MACROD2: variants seen among roughly 807,000 people sequenced by gnomAD.
MACROD2 encodes ADP-ribose glycohydrolase MACROD2.
A neutral mutation model predicts 70.4 loss-of-function variants in MACROD2; 36 were observed. That is an observed-to-expected ratio of 0.51 (90% CI 0.39 to 0.68). The LOEUF is 0.68. Among genes scored for constraint, MACROD2 ranks in the 30% least tolerant of loss-of-function variants. MACROD2 has a pLI of 0.00. For synonymous variants in MACROD2, 172 were observed against 178.8 expected (o/e 0.96, Z 0.30); for missense variants, 496 against 538.4 (o/e 0.92, Z 0.78).
intron 8 of MACROD2, among the ~76,000 whole-genome samples, chr20:15,678,788 G>A (rs942476651): frequency 1.6e-5 from 2 of 121,850 alleles, no homozygotes; most frequent in Non-Finnish European, 3.5e-5. Flanking sequence ...TGGGCACAGT[G>A]GTGTGTTGGG....
At chr20:16,035,004 G>A (rs2067203380) in intron 15 of MACROD2, among the ~76,000 whole-genome samples, 2 of 145,938 alleles carry the variant, frequency 1.4e-5, no homozygotes, top group African/African-American at 5.0e-5. Context: ...TCCTTTTAAT[G>A]GCTGAGTAGT....
At chr20:15,401,501 C>T (rs938625038) in intron 6 of MACROD2, among the ~76,000 whole-genome samples, 2 of 152,114 alleles carry the variant, frequency 1.3e-5, no homozygotes, top group Admixed American at 6.5e-5. Flanking sequence ...GTGGTTAAAA[C>T]CTGGAGCCAA....
At chr20:15,182,847 A>G (rs796796105) in intron 5 of MACROD2, among the ~76,000 whole-genome samples, 7 of 152,320 alleles carry the variant, frequency 4.6e-5, no homozygotes, top group Non-Finnish European at 7.4e-5. Flanking sequence ...CATCTTAAAC[A>G]TACCTATGCT....
intron 15 of MACROD2, among the ~76,000 whole-genome samples, chr20:16,022,317 C>T (rs1194912729): frequency 1.3e-5 from 2 of 152,152 alleles, no homozygotes; most frequent in Non-Finnish European, 2.9e-5. Flanking sequence ...TCCCAAAGTG[C>T]TGGGATTACA....
At chr20:15,139,081 C>T (rs2076172416) in intron 5 of MACROD2, among the ~76,000 whole-genome samples, 1 of 152,112 alleles carries the variant, frequency 6.6e-6, no homozygotes, top group Non-Finnish European at 1.5e-5. Flanking sequence ...ATGTCTTTGC[C>T]ATTTGGGGAT....
intron 5 of MACROD2, among the ~76,000 whole-genome samples, chr20:14,975,826 A>G (rs2122818289): frequency 6.6e-6 from 1 of 152,266 alleles, no homozygotes; most frequent in East Asian, 1.9e-4. Context: ...CGGAGTGAGA[A>G]CATTCCAGTG....
At chr20:15,056,568 C>T (rs2075487353) in intron 5 of MACROD2, among the ~76,000 whole-genome samples, 1 of 152,108 alleles carries the variant, frequency 6.6e-6, no homozygotes, top group Non-Finnish European at 1.5e-5. Flanking sequence ...TCCCCTTCCA[C>T]TCAAACTACT....
intron 2 of MACROD2, among the ~76,000 whole-genome samples, chr20:14,044,971 C>G (rs1324617290): frequency 6.6e-6 from 1 of 152,232 alleles, no homozygotes; most frequent in African/African-American, 2.4e-5. Flanking sequence ...AGCCCTGCCC[C>G]ACAGGGAGGC....
At chr20:15,153,965 T>TA (rs2076289387) in intron 5 of MACROD2, among the ~76,000 whole-genome samples, 1 of 152,202 alleles carries the variant, frequency 6.6e-6, no homozygotes, top group Non-Finnish European at 1.5e-5. Context: ...TGATTGGAGT[T>TA]ATAATGACAC....
chr20:15,216,232 TGAG>T (rs1257604795), intron 5 of MACROD2, among the ~76,000 whole-genome samples: 1 of 152,166 alleles, frequency 6.6e-6, no homozygotes, highest in Non-Finnish European at 1.5e-5. Context: ...GGTAAATGCT[TGAG>T]GGGATGGATA....
At chr20:14,293,273 A>C (rs1025740684) in intron 3 of MACROD2, among the ~76,000 whole-genome samples, 30 of 151,766 alleles carry the variant, frequency 2.0e-4, no homozygotes, top group African/African-American at 7.3e-4. Flanking sequence ...GTAGTATATA[A>C]TCCAATGGGA....
chr20:14,583,383 C>G (rs1409948981), intron 4 of MACROD2, among the ~76,000 whole-genome samples: 2 of 152,152 alleles, frequency 1.3e-5, no homozygotes, highest in East Asian at 3.9e-4. Context: ...GTGGGCAACC[C>G]TGGGAGGCAT....
rs190752974 is a variant in MACROD2 at position 14,940,465 on chromosome 20, C to T, written c.418+255506C>T. 1.6e-4 allele frequency among the ~76,000 whole-genome samples: 25 copies of T among 152,256 alleles called. No homozygotes were observed. The East Asian group carries it at 4.1e-3, about 25-fold the overall frequency. On this transcript the variant is annotated intron_variant, in intron 5 of 17. Coordinates refer to ENST00000684519, the MANE Select transcript of MACROD2 (RefSeq NM_001351661.2). ...AATAAAAGTAGTAAAAGTGAGCATCCTTGTCTTGTTCTAGATCTTAGAGGA... is the reference window on the plus strand; with the variant it reads ...AATAAAAGTAGTAAAAGTGAGCATCTTTGTCTTGTTCTAGATCTTAGAGGA...
At chr20:15,220,733 G>A (rs965279007) in intron 5 of MACROD2, among the ~76,000 whole-genome samples, 1 of 152,138 alleles carries the variant, frequency 6.6e-6, no homozygotes, top group Non-Finnish European at 1.5e-5. Context: ...GAATCTCCAT[G>A]AGAAACTATT....
At chr20:15,898,992 A>G (rs994938686) in intron 10 of MACROD2, among the ~76,000 whole-genome samples, 2 of 151,796 alleles carry the variant, frequency 1.3e-5, no homozygotes, top group Admixed American at 1.3e-4. Flanking sequence ...GCATATATAT[A>G]TGTGTGTAGG....
intron 3 of MACROD2, among the ~76,000 whole-genome samples, chr20:14,332,962 G>A (rs2082871576): frequency 6.6e-6 from 1 of 152,074 alleles, no homozygotes; most frequent in Non-Finnish European, 1.5e-5. Flanking sequence ...AAAAACTGGA[G>A]TACATCAGGT....
chr20:15,898,576 T>A (rs2065012013), intron 10 of MACROD2, among the ~76,000 whole-genome samples: 1 of 125,284 alleles, frequency 8.0e-6, no homozygotes, highest in Admixed American at 8.2e-5. Flanking sequence ...AAAAACAAAT[T>A]CTAGGTTCAC....
intron 4 of MACROD2, among the ~76,000 whole-genome samples, chr20:14,681,866 A>T (rs1423898561): frequency 6.6e-6 from 1 of 152,216 alleles, no homozygotes; most frequent in Admixed American, 6.5e-5. Context: ...GCAATATCAG[A>T]TAAATCTGGG....
chr20:14,128,067 A>C, intron 3 of MACROD2: 1 of 561,978 alleles, frequency 1.8e-6, no homozygotes, highest in Non-Finnish European at 3.5e-6. Context: ...ACCTACAATG[A>C]TGAGGGGAGT....
Sources: gnomAD v4.1 joint callset for allele counts (sites outside exome capture counted in the v4.1 genomes callset) on GRCh38, gnomAD v4.1.1 for gene constraint, MANE v1.5 for transcripts, NCBI Gene and HGNC (gene_info 2026-07-23, HGNC 2026-07-21) for gene names.